TUSC3: variants seen among roughly 807,000 people sequenced by gnomAD.
TUSC3 encodes dolichyl-diphosphooligosaccharide--protein glycosyltransferase subunit TUSC3.
Under a neutral mutation model 44.8 loss-of-function variants are expected in TUSC3, and 45 were observed. The observed-to-expected ratio is 1.00, with a 90% confidence interval of 0.79 to 1.29. TUSC3 has a LOEUF of 1.29. Ranked by LOEUF, TUSC3 falls within the 50% of genes most tolerant of loss-of-function variation. The pLI, the probability that TUSC3 is intolerant of heterozygous loss-of-function variation, is 0.00. For synonymous variants in TUSC3, 212 were observed against 152.9 expected (o/e 1.39, Z -2.85); for missense variants, 519 against 437.9 (o/e 1.19, Z -1.65).
In TUSC3 at chr8:15,589,677, C is replaced by G. The variant is rs910629710; in HGVS notation, c.139-33403C>G. On this transcript the variant is annotated intron_variant, in intron 1 of 10. Coordinates refer to ENST00000503731, the MANE Select transcript of TUSC3 (RefSeq NM_006765.4). ...TCTTAAAGTTTTTAAAACATCTTTA[C>G]AGTATAAAGAAAAAAATGCATGTCT... Among the ~76,000 whole-genome samples the G allele has an allele frequency of 4.6e-5, 7 of 151,806 alleles. No homozygotes were observed. The East Asian group carries it at 1.2e-3, about 25-fold the overall frequency.
chr8:15,794,688 T>C, the TUSC3 span, among the ~76,000 whole-genome samples: 4 of 141,250 alleles, frequency 2.8e-5, no homozygotes, highest in African/African-American at 1.1e-4. Flanking sequence ...TGCATGTGAG[T>C]GTGCTGCATT....
At chr8:15,843,339 C>T in the TUSC3 span, among the ~76,000 whole-genome samples, 9 of 152,058 alleles carry the variant, frequency 5.9e-5, no homozygotes, top group African/African-American at 2.2e-4. Flanking sequence ...AATATATCTT[C>T]CCTCTTGGAT....
chr8:15,635,586 C>CT lies in TUSC3; in HGVS notation c.308+12338dup, dbSNP rs1196595602. Among the ~76,000 whole-genome samples the CT allele has an allele frequency of 3.9e-5, 6 of 152,274 alleles. No homozygotes were observed. In the East Asian group the frequency reaches 9.7e-4, roughly 25 times the overall value. ...CTACAGTTAACTAGCACAATGTACT[C>CT]TAACACACTGTACTCTCACAGTGAG... On this transcript the variant is annotated intron_variant, in intron 2 of 10. Transcript: ENST00000503731.
chr8:15,462,269 G>A lies in TUSC3; in HGVS notation n.92-21117G>A, dbSNP rs571921929. 2.2e-4 allele frequency among the ~76,000 whole-genome samples: 33 copies of A among 152,088 alleles called. 1 individual carries two copies. Among genetic ancestry groups the A allele is most frequent in the African/African-American group, 7.0e-4 (29 of 41,508 alleles). ...AGAGAATTTTGACGAATTATTTGAC[G>A]AGTGACTTTTATCTAGAATATATAA... On this transcript the variant is annotated intron_variant and non_coding_transcript_variant, in intron 1 of 5. Transcript: ENST00000503191.
the TUSC3 span, among the ~76,000 whole-genome samples, chr8:15,795,752 C>T: frequency 6.6e-6 from 1 of 152,210 alleles, no homozygotes; most frequent in Admixed American, 6.5e-5. Context: ...CCGGGGCCTC[C>T]AGTGTGGCTG....
intron 1 of TUSC3, among the ~76,000 whole-genome samples, chr8:15,573,194 C>CTA (rs1351559750): frequency 1.9e-5 from 2 of 104,740 alleles, no homozygotes; most frequent in South Asian, 3.2e-4. Context: ...CTCTCTCTCT[C>CTA]TCTCTCTCTA....
intron 1 of TUSC3, among the ~76,000 whole-genome samples, chr8:15,473,755 A>G (rs1450903608): frequency 6.6e-6 from 1 of 152,206 alleles, no homozygotes; most frequent in African/African-American, 2.4e-5. Context: ...AAGGGCAAAA[A>G]GCAGAACAAA....
intron 1 of TUSC3, among the ~76,000 whole-genome samples, chr8:15,447,708 A>C (rs925322158): frequency 7.1e-6 from 1 of 141,334 alleles, no homozygotes; most frequent in Admixed American, 7.0e-5. Flanking sequence ...TTTTTTTTTT[A>C]CTTACTTTTA....
At chr8:15,512,959 T>TATATATATATATATATATA (rs1585071684) in intron 2 of TUSC3, among the ~76,000 whole-genome samples, 3 of 139,810 alleles carry the variant, frequency 2.1e-5, no homozygotes, top group Admixed American at 7.3e-5. Flanking sequence ...TATATATATA[T>TATATATATATATATATATA]GATTCTTTTT....
At chr8:15,430,978 T>C (rs1380361403) in intron 1 of TUSC3, among the ~76,000 whole-genome samples, 1 of 151,828 alleles carries the variant, frequency 6.6e-6, no homozygotes, top group African/African-American at 2.4e-5. Context: ...AATCTTTGGT[T>C]AAAGGTGAAG....
At chr8:15,424,335 C>A (rs115248706) in intron 1 of TUSC3, among the ~76,000 whole-genome samples, 3 of 151,908 alleles carry the variant, frequency 2.0e-5, no homozygotes, top group African/African-American at 7.3e-5. Context: ...TCTAGAACAA[C>A]CTGGAGCGTT....
At chr8:15,826,642 G>C in the TUSC3 span, among the ~76,000 whole-genome samples, 2 of 152,132 alleles carry the variant, frequency 1.3e-5, no homozygotes, top group African/African-American at 4.8e-5. Flanking sequence ...TAACCCAAAT[G>C]AGAAGAAGCG....
Position 15,766,131 on chromosome 8 carries a change from A to G in TUSC3, c.*1975A>G, listed in dbSNP as rs1419091622. 6.6e-6 allele frequency: 1 copy of G among 152,080 alleles called. No homozygotes were observed. The highest frequency in any genetic ancestry group is 2.4e-5 in the African/African-American group (1 of 41,428). The allele number at this position is 152,080 out of a possible 1,614,324, so 9.4% of individuals were successfully genotyped here. On this transcript the variant is annotated 3_prime_UTR_variant, in exon 11 of 11. Transcript: ENST00000503731. Reference sequence around the variant, plus strand: ...TTTTCTAATTTCCTCTGAGCATTTAAAATTACATCCAGTGATAAAAACAAT... The same window carrying G: ...TTTTCTAATTTCCTCTGAGCATTTAGAATTACATCCAGTGATAAAAACAAT...
chr8:15,488,513 GT>G (rs369061580), intron 2 of TUSC3, among the ~76,000 whole-genome samples: 1 of 151,630 alleles, frequency 6.6e-6, no homozygotes. Context: ...AAAATAAACT[GT>G]TTTTTTGTCA....
At chr8:15,559,615 C>T (rs1321315392) in intron 1 of TUSC3, among the ~76,000 whole-genome samples, 1 of 139,090 alleles carries the variant, frequency 7.2e-6, no homozygotes, top group Non-Finnish European at 1.6e-5. Context: ...CTAAAGTCTC[C>T]CATTATTAAT....
chr8:15,500,249 G>C (rs552140346), intron 2 of TUSC3, among the ~76,000 whole-genome samples: 1 of 152,274 alleles, frequency 6.6e-6, no homozygotes, highest in South Asian at 2.1e-4. Flanking sequence ...ATTCTATCAA[G>C]AATCTTGACA....
intron 2 of TUSC3, among the ~76,000 whole-genome samples, chr8:15,486,435 CTT>C (rs1385331213): frequency 1.3e-5 from 2 of 152,018 alleles, no homozygotes; most frequent in Non-Finnish European, 2.9e-5. Flanking sequence ...AGAATAATCT[CTT>C]TACTCTCCTA....
chr8:15,471,484 C>G (rs1585057113), intron 1 of TUSC3, among the ~76,000 whole-genome samples: 1 of 152,020 alleles, frequency 6.6e-6, no homozygotes, highest in African/African-American at 2.4e-5. Context: ...ACTAATAAAA[C>G]TTTTTCTTCA....
At chr8:15,838,617 C>A in the TUSC3 span, among the ~76,000 whole-genome samples, 1 of 152,196 alleles carries the variant, frequency 6.6e-6, no homozygotes, top group South Asian at 2.1e-4. Flanking sequence ...ATAGGGAATC[C>A]TTTCCCCATT....
Sources: allele counts gnomAD v4.1 joint callset (sites outside exome capture counted in the v4.1 genomes callset), GRCh38; gene constraint gnomAD v4.1.1; transcripts MANE v1.5; gene names NCBI Gene and HGNC (gene_info 2026-07-23, HGNC 2026-07-21).